The following NSD2 variants were observed in gnomAD, a reference collection of about 807,000 sequenced individuals.
NSD2 encodes the protein nuclear receptor binding SET domain protein 2.
Under a neutral mutation model 139.0 loss-of-function variants are expected in NSD2, and 12 were observed. The observed-to-expected ratio is 0.09, with a 90% CI of 0.06 to 0.14. The LOEUF is 0.14. Among genes scored for constraint, NSD2 ranks in the 10% least tolerant of loss-of-function variants. NSD2 has a pLI of 1.00. For missense variants in NSD2, 1,155 were observed against 1,745.0 expected (o/e 0.66, Z 6.02); for synonymous variants, 669 against 648.7 (o/e 1.03, Z -0.48).
intron 9 of NSD2, among the ~76,000 whole-genome samples, chr4:1,949,805 G>A (rs1352045862): frequency 3.3e-5 from 5 of 150,838 alleles, no homozygotes; most frequent in Non-Finnish European, 7.4e-5. Flanking sequence ...CTACTCTGAA[G>A]TCAGCAAACA....
intron 11 of NSD2, 111 bp downstream of exon 11, chr4:1,952,342 C>G (rs1340644801): frequency 1.4e-6 from 2 of 1,478,074 alleles, no homozygotes; most frequent in African/African-American, 2.8e-5. Context: ...CCCCTCCCCA[C>G]CCCCACCGCC....
At position 1,979,478 on chromosome 4, in the gene NSD2, C is replaced by G. The variant is rs1476915399; in HGVS notation, c.*569C>G. 4.3e-6 allele frequency: 1 copy of G among 233,292 alleles called. No homozygotes were observed. Among genetic ancestry groups the G allele is most frequent in the Non-Finnish European group, 8.5e-6 (1 of 118,064 alleles). 14.5% of individuals were successfully genotyped at this position (233,292 alleles called of 1,614,324 possible). On this transcript the variant is annotated 3_prime_UTR_variant, in exon 22 of 22. Coordinates refer to ENST00000508803, the MANE Select transcript of NSD2 (RefSeq NM_001042424.3). The stretch of plus-strand genomic sequence containing the variant: ...TGTGAATTGTTCCTCAGAAACGCTT[C>G]TTTTCCATCCTAGTGAGAAGCTGGC...
At chr4:1,951,943 A>G in intron 10 of NSD2, 165 bp from the exon 11 acceptor site, 1 of 1,077,500 alleles carries the variant, frequency 9.3e-7, no homozygotes, top group Admixed American at 3.0e-5. Context: ...CTGTATTTGT[A>G]CGTTCTGTTT....
chr4:1,959,781 G>A lies in NSD2; in HGVS notation c.3255+41G>A, dbSNP rs202078054. On this transcript the variant is annotated intron_variant, in intron 17 of 21. Coordinates refer to ENST00000508803, the MANE Select transcript of NSD2 (RefSeq NM_001042424.3). ...CCCTCCCCTGCTTTTGAGAAATTAC[G>A]GTTCACTGGGTAATTAGGCCTAGGT... 1.9e-4 allele frequency: 303 copies of A among 1,597,412 alleles called. 2 individuals are homozygous for A. The African/African-American group carries it at 3.6e-3, about 19-fold the overall frequency.
chr4:1,959,829 C>G lies in NSD2; in HGVS notation c.3255+89C>G, dbSNP rs1302612933. ...GGTTTGCTTGTGGTGGTTTTGTAGT[C>G]ATGTGAGAATGGTATTTTTTGGAAA... On this transcript the variant is annotated intron_variant, in intron 17 of 21. Coordinates refer to ENST00000508803, the MANE Select transcript of NSD2 (RefSeq NM_001042424.3). 6 of 1,530,896 alleles carry G rather than the reference C, an allele frequency of 3.9e-6. No homozygotes were observed. The Admixed American group carries it at 1.2e-4, about 31-fold the overall frequency. The allele number at this position is 1,530,896 out of a possible 1,614,324, so 94.8% of individuals were successfully genotyped here. A position where few individuals can be genotyped will look rare whatever the true frequency, so the allele number is the denominator to read the frequency against.
chr4:1,923,310 C>T (rs1353826424), intron 5 of NSD2, among the ~76,000 whole-genome samples: 4 of 143,624 alleles, frequency 2.8e-5, no homozygotes, highest in African/African-American at 7.9e-5. Context: ...GACAGAGACC[C>T]TGGCTCAAAA....
At chr4:1,871,724 C>T (rs571830219) in intron 1 of NSD2, among the ~76,000 whole-genome samples, 182 bp downstream of exon 1, 189 of 148,664 alleles carry the variant, frequency 1.3e-3, no homozygotes, top group African/African-American at 4.5e-3. Context: ...GCTGGGGGAC[C>T]GGGAGGCCGG....
intron 1 of NSD2, among the ~76,000 whole-genome samples, chr4:1,895,279 G>A (rs1716113348): frequency 6.6e-6 from 1 of 152,070 alleles, no homozygotes; most frequent in African/African-American, 2.4e-5. Context: ...ATTCTTTTGG[G>A]TAGACAGACT....
At chr4:1,952,717 A>G in intron 11 of NSD2, 2 of 1,072,926 alleles carry the variant, frequency 1.9e-6, no homozygotes, top group Non-Finnish European at 2.3e-6. Flanking sequence ...CTGGGTTGTC[A>G]GTGCTGTTGT....
At chr4:1,969,194 A>T (rs1577569080) in intron 18 of NSD2, among the ~76,000 whole-genome samples, 1 of 152,164 alleles carries the variant, frequency 6.6e-6, no homozygotes, top group East Asian at 1.9e-4. Context: ...GGAAGAAGAG[A>T]TGACACATCT....
chr4:1,952,044 C>T, intron 10 of NSD2, 64 bp from the exon 11 acceptor site: 15 of 1,566,228 alleles, frequency 9.6e-6, no homozygotes, highest in Non-Finnish European at 1.2e-5. Flanking sequence ...GACGGCTTCC[C>T]TTGTGGTAAG....
chr4:1,947,410 T>C, intron 9 of NSD2: 1 of 1,060,202 alleles, frequency 9.4e-7, no homozygotes, highest in South Asian at 4.6e-5. Context: ...TGTGCAGTGG[T>C]GCTCTGGGAG....
At position 1,959,508 on chromosome 4, in the gene NSD2, C is replaced by T. The variant is rs758754683; in HGVS notation, c.3023C>T (p.Ala1008Val). The part of the protein sequence containing the change: ...KPYGKVQIYT[A>V]DISEIPKCNC... ...TACGGGAAAGTCCAGATCTACACAG[C>T]GGATATTTCAGAAATCCCTAAGTGC... The change falls in exon 17 of 22, where the codon GCG (alanine) becomes GTG (valine). Residue 1008 changes from alanine to valine, a missense_variant. Around this residue, in one of 8 missense-constraint regions of NSD2, gnomAD observed 139 missense variants for 485.8 expected, o/e 0.29. Transcript: ENST00000508803. 1.2e-6 allele frequency: 2 copies of T among 1,614,184 alleles called. No homozygotes were observed. Among genetic ancestry groups the T allele is most frequent in the Non-Finnish European group, 1.7e-6 (2 of 1,180,030 alleles).
chr4:1,924,913 C>T (rs575942740), intron 5 of NSD2, among the ~76,000 whole-genome samples: 15 of 152,186 alleles, frequency 9.9e-5, no homozygotes, highest in African/African-American at 3.6e-4. Context: ...GATGACAGAG[C>T]GAGACCCTGT....
chr4:1,927,102 T>C (rs1721005079), intron 5 of NSD2, among the ~76,000 whole-genome samples: 2 of 152,204 alleles, frequency 1.3e-5, no homozygotes, highest in Non-Finnish European at 2.9e-5. Flanking sequence ...GTACCTTCTC[T>C]CACTCATGCT....
intron 5 of NSD2, among the ~76,000 whole-genome samples, chr4:1,926,572 G>A (rs539789168): frequency 6.6e-6 from 1 of 151,978 alleles, no homozygotes; most frequent in South Asian, 2.1e-4. Context: ...CCGGGTTCAA[G>A]CGATCCTCCC....
In NSD2 at chr4:1,978,990, G is replaced by C. The variant is rs1727457958; in HGVS notation, c.*81G>C. On this transcript the variant is annotated 3_prime_UTR_variant, in exon 22 of 22. Coordinates refer to ENST00000508803, the MANE Select transcript of NSD2 (RefSeq NM_001042424.3). The stretch of plus-strand genomic sequence containing the variant: ...TGCGGGAGAGGGCGAGCATGAACTG[G>C]CCCGGAGGACCCAGCTCGAGCCGCC... 1 of 1,426,908 alleles carries C rather than the reference G, an allele frequency of 7.0e-7. No homozygotes were observed. Among genetic ancestry groups the C allele is most frequent in the Non-Finnish European group, 9.2e-7 (1 of 1,089,332 alleles). The allele number at this position is 1,426,908 out of a possible 1,614,324, so 88.4% of individuals were successfully genotyped here.
Position 1,979,132 on chromosome 4 carries a change from G to T in NSD2, c.*223G>T. 2.1e-6 allele frequency: 1 copy of T among 466,446 alleles called. No individual in the cohort carries two copies. The allele number at this position is 466,446 out of a possible 1,614,324, so 28.9% of individuals were successfully genotyped here. On this transcript the variant is annotated 3_prime_UTR_variant, in exon 22 of 22. Coordinates refer to ENST00000508803, the MANE Select transcript of NSD2 (RefSeq NM_001042424.3). ...GTCTGAGCCCAGCTCAGCGTTCCTG[G>T]ACAAACAGCCTCACTCCTCAGCGTT... is the stretch of plus-strand genomic sequence containing the variant.
rs1401041170 is a variant in NSD2 at position 1,896,722 on chromosome 4, T to TCCTTCCTTC, written c.-29-3898_-29-3890dup. Among the ~76,000 whole-genome samples, 3 of 149,784 alleles carry TCCTTCCTTC rather than the reference T, an allele frequency of 2.0e-5. No individual in the cohort carries two copies. The East Asian group carries it at 6.0e-4, about 30-fold the overall frequency. ...CTTCCATTCCTCTCCTTCCTTCCTT[T>TCCTTCCTTC]CCTTCCTTCCCTTCTCTCTTTCTCT... On this transcript the variant is annotated intron_variant, in intron 1 of 21. Transcript: ENST00000508803.
Sources: gnomAD v4.1 joint callset for allele counts (sites outside exome capture counted in the v4.1 genomes callset) on GRCh38, gnomAD v4.1.1 for gene constraint, gnomAD v4.1.1 regional missense constraint, MANE v1.5 for transcripts, NCBI Gene and HGNC (gene_info 2026-07-23, HGNC 2026-07-21) for gene names.